Variants in XPA observed in about 807,000 individuals in gnomAD.
The protein encoded by XPA is XPA, DNA damage recognition and repair factor, also known as DNA repair protein complementing XP-A cells.
Under a neutral mutation model 35.7 loss-of-function variants are expected in XPA, and 27 were observed. The observed-to-expected ratio is 0.76, with a 90% CI of 0.56 to 1.04. The LOEUF is 1.04. XPA is among the 50% of genes least tolerant of loss of function. The pLI is 0.00. For synonymous variants in XPA, 133 were observed against 118.4 expected, an observed-to-expected ratio of 1.12 and a Z score of -0.80; for missense variants, 354 against 342.7, an observed-to-expected ratio of 1.03 and a Z score of -0.26.
the XPA span, chr9:97,662,227 T>C: frequency 9.9e-7 from 1 of 1,013,036 alleles, no homozygotes; most frequent in Admixed American, 1.8e-5. Context: ...TTACCTAAGA[T>C]TGTTGAATAT....
the XPA span, among the ~76,000 whole-genome samples, chr9:97,667,034 A>G: frequency 6.6e-6 from 1 of 152,222 alleles, no homozygotes; most frequent in Non-Finnish European, 1.5e-5. Flanking sequence ...CAGAAGCAGA[A>G]GAGGAGGAAG....
At chr9:97,685,340 A>G (rs1828684391) in intron 4 of XPA, among the ~76,000 whole-genome samples, 1 of 152,172 alleles carries the variant, frequency 6.6e-6, no homozygotes. Flanking sequence ...AGTTTGATCA[A>G]CTGTGGTGGG....
intron 5 of XPA, 125 bp downstream of exon 5, chr9:97,684,797 AT>A: frequency 1.5e-5 from 13 of 885,454 alleles, no homozygotes; most frequent in Non-Finnish European, 1.9e-5. Context: ...ACTGTAAGTC[AT>A]TTTTTTCAAC....
chr9:97,661,489 G>C, the XPA span, among the ~76,000 whole-genome samples: 1 of 152,130 alleles, frequency 6.6e-6, no homozygotes, highest in Non-Finnish European at 1.5e-5. Context: ...CTGGGCAAGA[G>C]TGGGAAAATT....
chr9:97,693,622 T>G (rs1564050327), intron 2 of XPA, 27 bp downstream of exon 2: 1 of 1,593,066 alleles, frequency 6.3e-7, no homozygotes, highest in African/African-American at 1.3e-5. Flanking sequence ...CCAATCTAGA[T>G]ACTTATTTTT....
intron 5 of XPA, among the ~76,000 whole-genome samples, chr9:97,681,908 C>A (rs1001562967): frequency 6.6e-6 from 1 of 152,176 alleles, no homozygotes; most frequent in African/African-American, 2.4e-5. Context: ...CAAAAGAACT[C>A]TCCAAATACT....
chr9:97,678,862 A>G (rs763906697), intron 5 of XPA, among the ~76,000 whole-genome samples: 14 of 152,208 alleles, frequency 9.2e-5, no homozygotes, highest in Admixed American at 7.9e-4. Flanking sequence ...CCAGCAGGAC[A>G]CACCAGAAAC....
At chr9:97,692,424 CAA>C (rs1828922184) in intron 2 of XPA, among the ~76,000 whole-genome samples, 1 of 151,940 alleles carries the variant, frequency 6.6e-6, no homozygotes, top group Non-Finnish European at 1.5e-5. Context: ...AACAAACAAA[CAA>C]AAAAATCATG....
chr9:97,668,473 G>C, the XPA span, among the ~76,000 whole-genome samples: 589 of 152,216 alleles, frequency 3.9e-3, 9 homozygotes, highest in East Asian at 0.012. Context: ...TGGCCCATAG[G>C]ACTTGCCCAG....
At chr9:97,665,743 C>T in the XPA span, among the ~76,000 whole-genome samples, 6 of 151,952 alleles carry the variant, frequency 3.9e-5, no homozygotes, top group African/African-American at 1.2e-4. Flanking sequence ...TTAGAGACAC[C>T]GACTTCGCCC....
In XPA at chr9:97,697,199, G is replaced by A; in HGVS notation, c.94C>T (p.Arg32Trp). The change falls in exon 1 of 6, where the codon CGG becomes TGG. Residue 32 changes from arginine (R) to tryptophan (W), a missense_variant. Coordinates refer to ENST00000375128, the MANE Select transcript of XPA (RefSeq NM_000380.4). ...TGGCGCAGCATCAGTGCCCGCTGCC[G>A]CTTCCGCTCGATACTCGCCCGCACC... ...ASVRASIERK[R>W]QRALMLRQAR... 1 of 1,599,644 alleles carries A rather than the reference G, an allele frequency of 6.3e-7. No individual in the cohort carries two copies. Among genetic ancestry groups the A allele is most frequent in the South Asian group, 1.1e-5 (1 of 90,648 alleles).
the XPA span, chr9:97,664,474 TC>T: frequency 6.9e-7 from 1 of 1,445,806 alleles, no homozygotes; most frequent in Non-Finnish European, 9.7e-7. Flanking sequence ...AAACTTGTGT[TC>T]CCTAAGAATT....
Position 97,684,982 on chromosome 9 carries a change from T to C in XPA, c.614A>G (p.Glu205Gly), listed in dbSNP as rs755544946. The C allele has an allele frequency of 6.2e-7, 1 of 1,613,768 alleles. No individual in the cohort carries two copies. The highest frequency in any genetic ancestry group is 2.2e-5 in the East Asian group (1 of 44,828). The change falls in exon 5 of 6, where the codon GAA becomes GGA. Residue 205 changes from glutamate (E) to glycine (G), a missense_variant. Coordinates refer to ENST00000375128, the MANE Select transcript of XPA (RefSeq NM_000380.4). ...GSQEALEEAK[E>G]VRQENREKMK... ...TTTTTCTCGGTTTTCCTGTCGGACTTCCTTTGCTTCTTCTAATGCTTCTTG... is the reference window on the plus strand; with the variant it reads ...TTTTTCTCGGTTTTCCTGTCGGACTCCCTTTGCTTCTTCTAATGCTTCTTG...
In XPA at chr9:97,675,058, A is replaced by G. The variant is rs1564035409; in HGVS notation, c.*381T>C. 1.9e-6 allele frequency: 1 copy of G among 533,454 alleles called. No individual in the cohort carries two copies. The highest frequency in any genetic ancestry group is 1.5e-5 in the South Asian group (1 of 65,166). 33.0% of individuals were successfully genotyped at this position (533,454 alleles called of 1,614,324 possible). A position where few individuals can be genotyped will look rare whatever the true frequency, so the allele number is the denominator to read the frequency against. ...ACAGTGGTGCACCACCATTGCTATT[A>G]TTTGTTTCTTGGTTAAGAATCCAGT... is the stretch of plus-strand genomic sequence containing the variant. On this transcript the variant is annotated 3_prime_UTR_variant, in exon 6 of 6. Coordinates refer to ENST00000375128, the MANE Select transcript of XPA (RefSeq NM_000380.4).
At chr9:97,681,248 T>C (rs999366728) in intron 5 of XPA, among the ~76,000 whole-genome samples, 1 of 152,216 alleles carries the variant, frequency 6.6e-6, no homozygotes, top group Non-Finnish European at 1.5e-5. Context: ...TTCTAAATAC[T>C]TTATGGTAGG....
At chr9:97,654,834 T>A in the XPA span, 2 of 1,525,972 alleles carry the variant, frequency 1.3e-6, no homozygotes, top group Non-Finnish European at 1.8e-6. Flanking sequence ...TTACAACTTA[T>A]TTGGGATAAA....
Position 97,697,316 on chromosome 9 carries a change from G to A in XPA, c.-24C>T, listed in dbSNP as rs769763787. The A allele has an allele frequency of 3.8e-6, 6 of 1,596,660 alleles. No individual in the cohort carries two copies. Among genetic ancestry groups the A allele is most frequent in the South Asian group, 2.2e-5 (2 of 90,992 alleles). On this transcript the variant is annotated 5_prime_UTR_variant, in exon 1 of 6. Transcript: ENST00000375128. ...ATCTCTGGCCCACTCCGAGGACCTA[G>A]CTCCCAGCTCCACGCACGCGCACTG...
chr9:97,658,816 G>A, the XPA span: 2 of 1,211,658 alleles, frequency 1.7e-6, no homozygotes, highest in Non-Finnish European at 2.4e-6. Context: ...GTTGTTTAAA[G>A]TGGAGAAATT....
the XPA span, chr9:97,663,058 T>C: frequency 6.2e-4 from 977 of 1,582,780 alleles, 3 homozygotes; most frequent in African/African-American, 0.012. Flanking sequence ...GTAAAAATTA[T>C]TTAATTAGAC....
Sources: gnomAD v4.1 joint callset for allele counts (sites outside exome capture counted in the v4.1 genomes callset) on GRCh38, gnomAD v4.1.1 for gene constraint, MANE v1.5 for transcripts, NCBI Gene and HGNC (gene_info 2026-07-23, HGNC 2026-07-21) for gene names.